Variants in RAB31 observed in about 807,000 individuals in gnomAD.
The protein encoded by RAB31 is ras-related protein Rab-31.
In RAB31, 21 loss-of-function variants were observed where a neutral mutation model predicts 25.6. That is an observed-to-expected ratio of 0.82 (90% CI 0.58 to 1.18). The LOEUF is 1.18. Among genes scored for constraint, RAB31 ranks in the 50% most tolerant of loss-of-function variants. The probability of loss-of-function intolerance (pLI) is 0.00; values close to 1 mark genes in which losing one functional copy is unlikely to be tolerated. For synonymous variants in RAB31, 87 were observed against 84.0 expected, an observed-to-expected ratio of 1.04 and a Z score of -0.20; for missense variants, 196 against 250.1, an observed-to-expected ratio of 0.78 and a Z score of 1.46.
chr18:9,780,937 A>AAAAACAAAACAAAAC (rs148616304), intron 2 of RAB31, among the ~76,000 whole-genome samples: 6 of 150,004 alleles, frequency 4.0e-5, no homozygotes, highest in Non-Finnish European at 8.8e-5. Context: ...TCTTGTCTCA[A>AAAAACAAAACAAAAC]AAAACAAAAC....
intron 1 of RAB31, among the ~76,000 whole-genome samples, chr18:9,720,551 C>T (rs566018653): frequency 5.1e-4 from 77 of 151,790 alleles, no homozygotes; most frequent in Non-Finnish European, 8.8e-4. Flanking sequence ...GTCTGGGAGC[C>T]GGTGGGAGTG....
intron 4 of RAB31, among the ~76,000 whole-genome samples, chr18:9,814,378 T>C (rs1486230583): frequency 6.6e-6 from 1 of 152,240 alleles, no homozygotes; most frequent in African/African-American, 2.4e-5. Flanking sequence ...TTCTGCATGC[T>C]TTATAATTAC....
intron 1 of RAB31, among the ~76,000 whole-genome samples, chr18:9,740,154 C>T (rs574915742): frequency 9.3e-4 from 142 of 152,300 alleles, no homozygotes; most frequent in African/African-American, 3.1e-3. Flanking sequence ...TCTGACATTC[C>T]GATTCACTGG....
intron 1 of RAB31, among the ~76,000 whole-genome samples, chr18:9,748,601 A>AATAT (rs1446584321): frequency 6.6e-6 from 1 of 151,484 alleles, no homozygotes; most frequent in Non-Finnish European, 1.5e-5. Context: ...GATATTTAAA[A>AATAT]ATATAAGGGG....
intron 5 of RAB31, among the ~76,000 whole-genome samples, chr18:9,833,121 C>T (rs540215394): frequency 6.6e-6 from 1 of 152,208 alleles, no homozygotes; most frequent in East Asian, 1.9e-4. Flanking sequence ...GCCCAGGAAT[C>T]GAAAAAAGAC....
At chr18:9,743,652 T>C (rs1477301488) in intron 1 of RAB31, among the ~76,000 whole-genome samples, 2 of 152,182 alleles carry the variant, frequency 1.3e-5, no homozygotes, top group Non-Finnish European at 2.9e-5. Context: ...TCAGGCCACA[T>C]GCAAAACCAG....
intron 1 of RAB31, among the ~76,000 whole-genome samples, chr18:9,717,700 C>G (rs1051160770): frequency 1.3e-5 from 2 of 151,704 alleles, no homozygotes; most frequent in African/African-American, 4.8e-5. Flanking sequence ...AGAAGAAAGA[C>G]AGAGAGACAC....
At chr18:9,758,372 GA>G (rs565971357) in intron 1 of RAB31, among the ~76,000 whole-genome samples, 93 of 152,064 alleles carry the variant, frequency 6.1e-4, no homozygotes, top group African/African-American at 2.2e-3. Context: ...CTCCTGGGGG[GA>G]AAAGCCCCAA....
chr18:9,818,612 T>G (rs1204822639), intron 5 of RAB31, among the ~76,000 whole-genome samples: 1 of 152,224 alleles, frequency 6.6e-6, no homozygotes, highest in Non-Finnish European at 1.5e-5. Flanking sequence ...TTATTTCTAC[T>G]TTTTTGCTAT....
intron 1 of RAB31, among the ~76,000 whole-genome samples, chr18:9,761,307 C>A (rs1162423218): frequency 6.6e-6 from 1 of 152,176 alleles, no homozygotes; most frequent in Non-Finnish European, 1.5e-5. Context: ...TGCTGACCTA[C>A]CTTAAACCTT....
At chr18:9,803,100 G>A (rs1386224079) in intron 3 of RAB31, among the ~76,000 whole-genome samples, 1 of 152,120 alleles carries the variant, frequency 6.6e-6, no homozygotes, top group Non-Finnish European at 1.5e-5. Context: ...CTCCTGACCT[G>A]CACCATCCCC....
chr18:9,735,954 ATCC>A (rs2145468651), intron 1 of RAB31, among the ~76,000 whole-genome samples: 1 of 152,238 alleles, frequency 6.6e-6, no homozygotes, highest in African/African-American at 2.4e-5. Flanking sequence ...CTCCTGCCTC[ATCC>A]TCCTGAGTAG....
At chr18:9,725,040 C>T (rs2068090818) in intron 1 of RAB31, among the ~76,000 whole-genome samples, 1 of 152,210 alleles carries the variant, frequency 6.6e-6, no homozygotes, top group South Asian at 2.1e-4. Context: ...TCCAAGTGGC[C>T]CCTCTACCTG....
chr18:9,749,571 A>G (rs1316786823), intron 1 of RAB31, among the ~76,000 whole-genome samples: 1 of 152,158 alleles, frequency 6.6e-6, no homozygotes, highest in South Asian at 2.1e-4. Flanking sequence ...TGTGTGCCCT[A>G]CGTTTCACAT....
At position 9,859,517 on chromosome 18, in the gene RAB31, A is replaced by C. The variant is rs1599071434; in HGVS notation, c.*192A>C. ...AAGGATTTTAGAAAACCCTGGGAAA[A>C]CCCACCACACCACCACAAAATGGCC... On this transcript the variant is annotated 3_prime_UTR_variant, in exon 7 of 7. Coordinates refer to ENST00000578921, the MANE Select transcript of RAB31 (RefSeq NM_006868.4). 2.1e-6 allele frequency: 1 copy of C among 466,196 alleles called. No individual in the cohort carries two copies. The allele number at this position is 466,196 out of a possible 1,614,324, so 28.9% of individuals were successfully genotyped here.
intron 1 of RAB31, among the ~76,000 whole-genome samples, chr18:9,724,485 C>T (rs2068088455): frequency 6.6e-6 from 1 of 152,132 alleles, no homozygotes; most frequent in Admixed American, 6.6e-5. Flanking sequence ...AAAGTAGTTA[C>T]ACTCTACTTG....
chr18:9,711,577 T>C (rs1326799338), intron 1 of RAB31, among the ~76,000 whole-genome samples: 2 of 152,230 alleles, frequency 1.3e-5, no homozygotes, highest in African/African-American at 2.4e-5. Context: ...GGTCTCCCTA[T>C]GTTGCCCAGG....
At chr18:9,832,661 G>A (rs1363275572) in intron 5 of RAB31, among the ~76,000 whole-genome samples, 6 of 152,252 alleles carry the variant, frequency 3.9e-5, no homozygotes, top group Admixed American at 2.0e-4. Context: ...TAGGGACCAC[G>A]TGGAGGACAA....
intron 5 of RAB31, among the ~76,000 whole-genome samples, chr18:9,828,738 A>G (rs1359035336): frequency 6.6e-6 from 1 of 152,238 alleles, no homozygotes; most frequent in Non-Finnish European, 1.5e-5. Context: ...TAGAAATTAT[A>G]CAAACCAAAT....
Sources: gnomAD v4.1 joint callset for allele counts (sites outside exome capture counted in the v4.1 genomes callset) on GRCh38, gnomAD v4.1.1 for gene constraint, MANE v1.5 for transcripts, NCBI Gene and HGNC (gene_info 2026-07-23, HGNC 2026-07-21) for gene names.